Variants in SLC47A1 observed in about 807,000 individuals in gnomAD.
The protein encoded by SLC47A1 is solute carrier family 47 member 1.
A neutral mutation model predicts 65.8 loss-of-function variants in SLC47A1; 58 were observed. The ratio of observed to expected loss-of-function variants is 0.88; its 90% CI spans 0.71 to 1.10. The LOEUF is 1.10. Among genes scored for constraint, SLC47A1 ranks in the 50% least tolerant of loss-of-function variants. The pLI, the probability that SLC47A1 is intolerant of heterozygous loss-of-function variation, is 0.00. For missense variants in SLC47A1, 706 were observed against 719.2 expected, an observed-to-expected ratio of 0.98 and a Z score of 0.21; for synonymous variants, 285 against 295.0, an observed-to-expected ratio of 0.97 and a Z score of 0.35.
chr17:19,572,442 C>G (rs528861915), intron 15 of SLC47A1, among the ~76,000 whole-genome samples: 1 of 152,100 alleles, frequency 6.6e-6, no homozygotes, highest in Admixed American at 6.6e-5. Flanking sequence ...TACAGACATG[C>G]GCCACCATGC....
intron 1 of SLC47A1, among the ~76,000 whole-genome samples, chr17:19,537,747 T>C (rs1235069333): frequency 6.6e-6 from 1 of 152,206 alleles, no homozygotes; most frequent in East Asian, 1.9e-4. Context: ...AACCCTTTCC[T>C]TGGTTCTGCA....
chr17:19,577,467 G>T lies in SLC47A1; in HGVS notation c.1627G>T (p.Val543Leu). 6.2e-7 allele frequency: 1 copy of T among 1,614,198 alleles called. No homozygotes were observed. Among genetic ancestry groups the T allele is most frequent in the African/African-American group, 1.3e-5 (1 of 75,026 alleles). ...DGAKLSRKQLVLRRGLLLLGV... is the reference protein window; with the variant it reads ...DGAKLSRKQLLLRRGLLLLGV... ...CGCTAAATTGTCCAGGAAACAGCTG[G>T]TGCTGCGGCGAGGGCTTCTGCTCCT... The change falls in exon 17 of 17, where the codon GTG (valine) becomes TTG (leucine). Residue 543 changes from valine to leucine, a missense_variant. Physicochemically the swap from Val to Leu is conservative, Grantham distance 32. Transcript: ENST00000270570.
intron 16 of SLC47A1, among the ~76,000 whole-genome samples, chr17:19,576,900 A>G (rs891961062): frequency 1.3e-5 from 2 of 152,114 alleles, no homozygotes; most frequent in African/African-American, 4.8e-5. Context: ...AGCATGTGCC[A>G]CCATGTCCGG....
chr17:19,570,803 G>C (rs960470893), intron 14 of SLC47A1: 2 of 152,252 alleles, frequency 1.3e-5, no homozygotes, highest in African/African-American at 4.8e-5. Context: ...GGAGCTTTTG[G>C]TTCTGCCATT....
intron 10 of SLC47A1, among the ~76,000 whole-genome samples, chr17:19,559,491 C>T (rs1567970804): frequency 6.6e-6 from 1 of 152,164 alleles, no homozygotes; most frequent in Non-Finnish European, 1.5e-5. Context: ...CACTGCACTC[C>T]AGCCTGAGGG....
chr17:19,537,598 G>T (rs1011825080), intron 1 of SLC47A1, among the ~76,000 whole-genome samples: 1 of 152,206 alleles, frequency 6.6e-6, no homozygotes, highest in East Asian at 1.9e-4. Context: ...CCTCCAATCC[G>T]TCCTCACCAA....
At chr17:19,577,050 C>G (rs554577005) in intron 16 of SLC47A1, among the ~76,000 whole-genome samples, 1 of 152,066 alleles carries the variant, frequency 6.6e-6, no homozygotes, top group Non-Finnish European at 1.5e-5. Flanking sequence ...CCCGGCTTCC[C>G]TGTGAATTTT....
At chr17:19,550,080 T>C (rs1916404583) in intron 5 of SLC47A1, among the ~76,000 whole-genome samples, 1 of 152,246 alleles carries the variant, frequency 6.6e-6, no homozygotes, top group Non-Finnish European at 1.5e-5. Context: ...GACACAGCAG[T>C]GTGTGGCCAA....
chr17:19,571,546 C>G lies in SLC47A1; in HGVS notation c.1378C>G (p.Leu460Val). 1 of 1,613,890 alleles carries G rather than the reference C, an allele frequency of 6.2e-7. No individual in the cohort carries two copies. The highest frequency in any genetic ancestry group is 1.1e-5 in the South Asian group (1 of 91,026). ...GTGTTTTCTAGGCTTTATTATTCAG[C>G]TAAATTGGAAAAAAGCCTGTCAGCA... ...AVCFLGFIIQ[L>V]NWKKACQQAQ... Residue 460 changes from leucine to valine, a missense_variant, in exon 15 of 17, where the codon CTA (leucine) becomes GTA (valine). Leu to Val is a conservative substitution (Grantham distance 32, BLOSUM62 1). Transcript: ENST00000270570.
rs555727375 is a variant in SLC47A1 at position 19,560,711 on chromosome 17, T to C, written c.1106+218T>C. On this transcript the variant is annotated intron_variant, in intron 12 of 16. Transcript: ENST00000270570. ...CTGACCAACATGGTGAAACCCTATC[T>C]CTACTAAAAATACAAAAATTAGCTG... Among the ~76,000 whole-genome samples, 8 of 150,022 alleles carry C rather than the reference T, an allele frequency of 5.3e-5. 1 individual carries two copies. In the South Asian group the frequency reaches 1.7e-3, roughly 32 times the overall value.
intron 4 of SLC47A1, among the ~76,000 whole-genome samples, chr17:19,549,206 T>A (rs1193032129): frequency 6.8e-6 from 1 of 146,344 alleles, no homozygotes; most frequent in African/African-American, 2.5e-5. Flanking sequence ...CGCAGTTTTG[T>A]TTTTTTTTTT....
chr17:19,542,106 C>T (rs1276994391), intron 1 of SLC47A1, among the ~76,000 whole-genome samples: 1 of 152,046 alleles, frequency 6.6e-6, no homozygotes, highest in Non-Finnish European at 1.5e-5. Context: ...GCCCAGGTGA[C>T]AGTGTGAGAC....
Position 19,546,433 on chromosome 17 carries a change from A to G in SLC47A1, c.238-2A>G, listed in dbSNP as rs776415052. On this transcript the variant is annotated splice_acceptor_variant, in intron 2 of 16. Coordinates refer to ENST00000270570, the MANE Select transcript of SLC47A1 (RefSeq NM_018242.3). LOFTEE classifies it high-confidence loss of function. ...GGGCCTTATCTTTGGGTTTATTTGCAGGTTATCAATGTCACTGGTGTCTCA... is the reference window on the plus strand; with the variant it reads ...GGGCCTTATCTTTGGGTTTATTTGCGGGTTATCAATGTCACTGGTGTCTCA... 6.2e-7 allele frequency: 1 copy of G among 1,613,476 alleles called. No individual in the cohort carries two copies.
At chr17:19,571,068 C>T (rs1048464836) in intron 14 of SLC47A1, 5 of 151,936 alleles carry the variant, frequency 3.3e-5, no homozygotes, top group African/African-American at 1.2e-4. Flanking sequence ...CTAGTGATTT[C>T]TGCTTTTTTT....
At chr17:19,545,443 C>T (rs947775651) in intron 2 of SLC47A1, among the ~76,000 whole-genome samples, 4 of 151,952 alleles carry the variant, frequency 2.6e-5, no homozygotes, top group South Asian at 2.1e-4. Context: ...CCGCCCACCT[C>T]GGCCTCCCAA....
In SLC47A1 at chr17:19,534,018, C is replaced by T. The variant is rs1330917266; in HGVS notation, c.79C>T (p.Arg27Trp). 1.3e-6 allele frequency: 2 copies of T among 1,545,712 alleles called. No individual in the cohort carries two copies. The highest frequency in any genetic ancestry group is 8.7e-7 in the Non-Finnish European group (1 of 1,146,746). The change falls in exon 1 of 17, where the codon CGG (arginine) becomes TGG (tryptophan). Residue 27 changes from arginine to tryptophan, a missense_variant. Transcript: ENST00000270570. ...TGAGGTCCGTGGGTCGCGCTGCTTG[C>T]GGCTGTCCGCCTTCCGAGAAGAGCT... ...TLEVRGSRCLRLSAFREELRA... is the reference protein window; with the variant it reads ...TLEVRGSRCLWLSAFREELRA...
intron 1 of SLC47A1, among the ~76,000 whole-genome samples, chr17:19,537,521 A>G (rs1208119879): frequency 6.6e-6 from 1 of 152,222 alleles, no homozygotes; most frequent in Non-Finnish European, 1.5e-5. Flanking sequence ...GTAGTCAAAG[A>G]TGGCAGGAGC....
intron 6 of SLC47A1, among the ~76,000 whole-genome samples, chr17:19,553,430 G>A (rs918057329): frequency 6.6e-6 from 1 of 152,000 alleles, no homozygotes; most frequent in Non-Finnish European, 1.5e-5. Flanking sequence ...TTTTGTCCCT[G>A]TCACATCCTC....
intron 16 of SLC47A1, among the ~76,000 whole-genome samples, chr17:19,575,790 C>T (rs1472368791): frequency 2.6e-5 from 4 of 152,112 alleles, no homozygotes; most frequent in Non-Finnish European, 5.9e-5. Context: ...GAGAAGCTAT[C>T]CCCTTGCCCT....
Sources: allele counts gnomAD v4.1 joint callset (sites outside exome capture counted in the v4.1 genomes callset), GRCh38; gene constraint gnomAD v4.1.1; transcripts MANE v1.5; gene names NCBI Gene and HGNC (gene_info 2026-07-23, HGNC 2026-07-21).